Variants in SNX18 observed in about 807,000 individuals in gnomAD.
The protein encoded by SNX18 is sorting nexin-18.
SNX18 carries 35 observed loss-of-function variants against 48.7 expected under a neutral mutation model. The ratio of observed to expected loss-of-function variants is 0.72; its 90% confidence interval spans 0.55 to 0.95. SNX18 has a LOEUF of 0.95. Ranked by LOEUF, SNX18 falls within the 40% of genes least tolerant of loss-of-function variation. SNX18 has a pLI of 0.00. For synonymous variants in SNX18, 492 were observed against 384.7 expected (o/e 1.28, Z -3.26); for missense variants, 824 against 871.0 (o/e 0.95, Z 0.68).
chr5:54,531,176 G>T (rs1762248433), intron 1 of SNX18, among the ~76,000 whole-genome samples: 1 of 152,084 alleles, frequency 6.6e-6, no homozygotes, highest in Non-Finnish European at 1.5e-5. Flanking sequence ...GGCTCTTAGA[G>T]TACTCCAGGG....
At chr5:54,629,335 A>G in the SNX18 span, among the ~76,000 whole-genome samples, 8 of 152,190 alleles carry the variant, frequency 5.3e-5, no homozygotes, top group African/African-American at 1.9e-4. Flanking sequence ...TAGTGAGTTC[A>G]AGTGCTGTCA....
the SNX18 span, among the ~76,000 whole-genome samples, chr5:54,558,995 A>T: frequency 6.6e-6 from 1 of 152,140 alleles, no homozygotes; most frequent in South Asian, 2.1e-4. Context: ...AAAAAAAAAA[A>T]TACCTAGGAA....
chr5:54,555,697 C>T, the SNX18 span, among the ~76,000 whole-genome samples: 1 of 151,886 alleles, frequency 6.6e-6, no homozygotes, highest in Non-Finnish European at 1.5e-5. Context: ...CATTGTGGCA[C>T]ATGCCCGTAG....
chr5:54,538,365 T>G (rs1477102939), intron 1 of SNX18, among the ~76,000 whole-genome samples: 1 of 152,242 alleles, frequency 6.6e-6, no homozygotes, highest in Non-Finnish European at 1.5e-5. Flanking sequence ...AAAGTGGTTC[T>G]GCGTGTTAGT....
chr5:54,534,178 C>T (rs1367441187), intron 1 of SNX18, among the ~76,000 whole-genome samples: 1 of 151,412 alleles, frequency 6.6e-6, no homozygotes, highest in African/African-American at 2.4e-5. Flanking sequence ...AGACAGAAAT[C>T]GAGTTAATGT....
intron 1 of SNX18, among the ~76,000 whole-genome samples, chr5:54,540,611 G>A (rs1398248733): frequency 6.6e-6 from 1 of 152,202 alleles, no homozygotes; most frequent in Non-Finnish European, 1.5e-5. Context: ...GAACTAATTT[G>A]GAGTTTGACA....
rs780880095 is a variant in SNX18 at position 54,518,856 on chromosome 5, C to G, written c.904C>G (p.Pro302Ala). The change falls in exon 1 of 2, where the codon CCC becomes GCC. Residue 302 changes from proline (P) to alanine (A), a missense_variant. Pro to Ala is a conservative substitution (Grantham distance 27, BLOSUM62 -1). Transcript: ENST00000381410. ...MKSYISYKLV[P>A]THTQVPVHRR... Reference sequence around the variant, plus strand: ...GAGCTACATCTCCTACAAGCTGGTGCCCACGCACACGCAGGTGCCGGTGCA... The same window carrying G: ...GAGCTACATCTCCTACAAGCTGGTGGCCACGCACACGCAGGTGCCGGTGCA... 7 of 1,612,432 alleles carry G rather than the reference C, an allele frequency of 4.3e-6. No homozygotes were observed. The highest frequency in any genetic ancestry group is 1.7e-5 in the Admixed American group (1 of 59,888).
At chr5:54,528,928 C>T (rs1372325189) in intron 1 of SNX18, among the ~76,000 whole-genome samples, 7 of 152,146 alleles carry the variant, frequency 4.6e-5, no homozygotes, top group Admixed American at 3.9e-4. Context: ...GGATGTGAAT[C>T]GGAATGTCTG....
chr5:54,551,120 G>A (rs1419784053), downstream of SNX18, among the ~76,000 whole-genome samples: 1 of 152,086 alleles, frequency 6.6e-6, no homozygotes, highest in African/African-American at 2.4e-5. Flanking sequence ...AAGGTGGGTG[G>A]AGCTGCAGCT....
intron 1 of SNX18, among the ~76,000 whole-genome samples, chr5:54,524,718 A>C (rs1310750431): frequency 6.6e-6 from 1 of 152,254 alleles, no homozygotes; most frequent in Admixed American, 6.5e-5. Flanking sequence ...GTTTGACAAG[A>C]TTATATCCGG....
the SNX18 span, among the ~76,000 whole-genome samples, chr5:54,565,093 C>A: frequency 6.6e-6 from 1 of 152,148 alleles, no homozygotes; most frequent in Non-Finnish European, 1.5e-5. Context: ...CCTGTAAGGA[C>A]CCAATTTGGG....
At chr5:54,581,451 TC>T in the SNX18 span, among the ~76,000 whole-genome samples, 1 of 151,770 alleles carries the variant, frequency 6.6e-6, no homozygotes, top group Non-Finnish European at 1.5e-5. Flanking sequence ...AAAATATGAC[TC>T]CCCCGGCAAA....
chr5:54,524,205 G>A (rs911673513), intron 1 of SNX18, among the ~76,000 whole-genome samples: 3 of 152,198 alleles, frequency 2.0e-5, no homozygotes, highest in Admixed American at 6.5e-5. Flanking sequence ...CGAAATACAC[G>A]ACTCAGTTCC....
At chr5:54,625,371 GAGGC>G in the SNX18 span, among the ~76,000 whole-genome samples, 1 of 152,186 alleles carries the variant, frequency 6.6e-6, no homozygotes, top group Non-Finnish European at 1.5e-5. Flanking sequence ...GACTCAACTA[GAGGC>G]AGGCAGATCT....
chr5:54,641,199 A>C, the SNX18 span, among the ~76,000 whole-genome samples: 1 of 152,194 alleles, frequency 6.6e-6, no homozygotes, highest in Non-Finnish European at 1.5e-5. Context: ...GGCCAGAACA[A>C]TGCAAGACAA....
At chr5:54,638,856 G>C in the SNX18 span, among the ~76,000 whole-genome samples, 1 of 152,102 alleles carries the variant, frequency 6.6e-6, no homozygotes, top group South Asian at 2.1e-4. Context: ...CCCCTCCAGG[G>C]CCCGACCTCA....
chr5:54,570,342 T>G, the SNX18 span, among the ~76,000 whole-genome samples: 1 of 152,204 alleles, frequency 6.6e-6, no homozygotes, highest in African/African-American at 2.4e-5. Flanking sequence ...ACTTTTAGCC[T>G]CCAAAACTAT....
At chr5:54,573,404 AC>A in the SNX18 span, among the ~76,000 whole-genome samples, 2 of 151,940 alleles carry the variant, frequency 1.3e-5, no homozygotes, top group African/African-American at 2.4e-5. Flanking sequence ...CTGGATTGGG[AC>A]CCCTTTCCTG....
the SNX18 span, among the ~76,000 whole-genome samples, chr5:54,633,576 T>A: frequency 1.3e-5 from 2 of 152,192 alleles, no homozygotes; most frequent in Non-Finnish European, 2.9e-5. Flanking sequence ...TTAACACCCC[T>A]GTGTCTCAGT....
Sources: gnomAD v4.1 joint callset for allele counts (sites outside exome capture counted in the v4.1 genomes callset) on GRCh38, gnomAD v4.1.1 for gene constraint, MANE v1.5 for transcripts, NCBI Gene and HGNC (gene_info 2026-07-23, HGNC 2026-07-21) for gene names.